The following ALK variants were observed in gnomAD, a reference collection of about 807,000 sequenced individuals.
ALK encodes ALK receptor tyrosine kinase.
Under a neutral mutation model 163.1 loss-of-function variants are expected in ALK, and 74 were observed. The ratio of observed to expected loss-of-function variants is 0.45; its 90% CI spans 0.38 to 0.55. The LOEUF (loss-of-function observed/expected upper bound fraction) is 0.55, where lower values mean the gene tolerates loss of function less well. Among genes scored for constraint, ALK ranks in the 20% least tolerant of loss-of-function variants. The pLI, the probability that ALK is intolerant of heterozygous loss-of-function variation, is 0.00. For synonymous variants in ALK, 960 were observed against 843.2 expected, an observed-to-expected ratio of 1.14 and a Z score of -2.40; for missense variants, 2,063 against 2,105.3, an observed-to-expected ratio of 0.98 and a Z score of 0.39.
intron 1 of ALK, among the ~76,000 whole-genome samples, chr2:29,791,115 T>C (rs1664174609): frequency 6.6e-6 from 1 of 152,186 alleles, no homozygotes; most frequent in African/African-American, 2.4e-5. Flanking sequence ...TCAATAAACA[T>C]TTAGTTTCCT....
chr2:29,462,457 G>T (rs1240762898), intron 4 of ALK, among the ~76,000 whole-genome samples: 1 of 152,088 alleles, frequency 6.6e-6, no homozygotes, highest in African/African-American at 2.4e-5. Flanking sequence ...CCACTACCCT[G>T]ATTAGTCAAC....
chr2:29,547,141 T>C (rs970758487), intron 3 of ALK, among the ~76,000 whole-genome samples: 5 of 152,228 alleles, frequency 3.3e-5, no homozygotes, highest in African/African-American at 4.8e-5. Flanking sequence ...TTCTAGAATG[T>C]TCTAGGCTTC....
At chr2:29,632,587 G>A (rs986998939) in intron 3 of ALK, among the ~76,000 whole-genome samples, 12 of 152,204 alleles carry the variant, frequency 7.9e-5, no homozygotes, top group Non-Finnish European at 1.3e-4. Flanking sequence ...TCCCCACCAT[G>A]TGAAGATGCA....
chr2:29,561,801 T>C (rs1249644679), intron 3 of ALK, among the ~76,000 whole-genome samples: 2 of 152,116 alleles, frequency 1.3e-5, no homozygotes, highest in African/African-American at 2.4e-5. Context: ...CAACCCTGGC[T>C]CCCCATGAAA....
intron 4 of ALK, among the ~76,000 whole-genome samples, chr2:29,475,044 G>T (rs574235210): frequency 6.6e-6 from 1 of 152,218 alleles, no homozygotes; most frequent in Non-Finnish European, 1.5e-5. Context: ...CCCTGCTCCT[G>T]CATTCCTTCT....
chr2:29,585,839 A>C (rs1003682308), intron 3 of ALK, among the ~76,000 whole-genome samples: 4 of 151,946 alleles, frequency 2.6e-5, no homozygotes, highest in Admixed American at 2.6e-4. Flanking sequence ...CTTTCTAGAA[A>C]TTTTTTGTTC....
chr2:29,770,395 G>A (rs1016984796), intron 1 of ALK, among the ~76,000 whole-genome samples: 5 of 152,222 alleles, frequency 3.3e-5, no homozygotes, highest in Non-Finnish European at 2.9e-5. Flanking sequence ...GAAGCCTACA[G>A]ATGACACGTC....
chr2:29,383,310 A>G (rs1170733802), intron 5 of ALK, among the ~76,000 whole-genome samples: 1 of 151,738 alleles, frequency 6.6e-6, no homozygotes, highest in Non-Finnish European at 1.5e-5. Context: ...TAGCCCCTAA[A>G]ACACTCTAGA....
intron 8 of ALK, among the ~76,000 whole-genome samples, chr2:29,307,186 A>G (rs1262422519): frequency 1.3e-5 from 2 of 152,228 alleles, no homozygotes; most frequent in Non-Finnish European, 2.9e-5. Context: ...ACCCACAGAA[A>G]ATACTGTGTG....
In ALK at chr2:29,415,815, A is replaced by C. The variant is rs146628676; in HGVS notation, c.1155-31956T>G. On this transcript the variant is annotated intron_variant, in intron 4 of 28. Coordinates refer to ENST00000389048, the MANE Select transcript of ALK (RefSeq NM_004304.5). ...TAAAACAAAAAGGTGGAGGAAGATCACATTCTCCTTCTCTCTTCTTGAACT... is the reference window on the plus strand; with the variant it reads ...TAAAACAAAAAGGTGGAGGAAGATCCCATTCTCCTTCTCTCTTCTTGAACT... Among the ~76,000 whole-genome samples, 748 of 152,336 alleles carry C rather than the reference A, an allele frequency of 4.9e-3. 7 individuals carry two copies. Among genetic ancestry groups the C allele is most frequent in the African/African-American group, 0.016 (682 of 41,570 alleles).
At chr2:29,731,540 C>T (rs73921499) in intron 1 of ALK, among the ~76,000 whole-genome samples, 9 of 152,258 alleles carry the variant, frequency 5.9e-5, no homozygotes, top group African/African-American at 1.9e-4. Flanking sequence ...TGGGCAGCAT[C>T]GGGACAGGAT....
intron 1 of ALK, among the ~76,000 whole-genome samples, chr2:29,912,090 C>CA: frequency 6.6e-6 from 1 of 151,634 alleles, no homozygotes; most frequent in Admixed American, 6.6e-5. Context: ...AGAAAAATTT[C>CA]AAAAAAAGAA....
intron 1 of ALK, among the ~76,000 whole-genome samples, chr2:29,917,662 A>G (rs2148441299): frequency 6.6e-6 from 1 of 152,358 alleles, no homozygotes; most frequent in Admixed American, 6.5e-5. Context: ...AACTGCAGAC[A>G]GCATATGTCC....
chr2:29,523,426 C>A (rs1163323626), intron 4 of ALK, among the ~76,000 whole-genome samples: 1 of 152,160 alleles, frequency 6.6e-6, no homozygotes, highest in Non-Finnish European at 1.5e-5. Context: ...GCTGAATGAG[C>A]TTCCAGAGTC....
chr2:29,553,925 G>A (rs1039966508), intron 3 of ALK, among the ~76,000 whole-genome samples: 10 of 152,072 alleles, frequency 6.6e-5, no homozygotes, highest in East Asian at 3.8e-4. Flanking sequence ...TGATTTGTAA[G>A]AACTTCTTAA....
At chr2:29,303,739 G>T (rs1297232393) in intron 8 of ALK, among the ~76,000 whole-genome samples, 1 of 152,200 alleles carries the variant, frequency 6.6e-6, no homozygotes, top group Non-Finnish European at 1.5e-5. Flanking sequence ...GCAGCAACGT[G>T]GATGCAGCTG....
intron 3 of ALK, among the ~76,000 whole-genome samples, chr2:29,634,233 G>A (rs1676461577): frequency 6.6e-6 from 1 of 151,988 alleles, no homozygotes. Context: ...GAATAGCTAG[G>A]ATTAGTGACA....
At chr2:29,652,496 C>A (rs1677063760) in intron 3 of ALK, among the ~76,000 whole-genome samples, 1 of 152,132 alleles carries the variant, frequency 6.6e-6, no homozygotes, top group African/African-American at 2.4e-5. Flanking sequence ...TTCCTAAAAT[C>A]CTTAAAAATT....
chr2:29,679,409 T>TTTTC (rs1677994478), intron 3 of ALK, among the ~76,000 whole-genome samples: 1 of 151,832 alleles, frequency 6.6e-6, no homozygotes, highest in South Asian at 2.1e-4. Context: ...CGTTTATTTA[T>TTTTC]TTTCTTTCAT....
Sources: gnomAD v4.1 joint callset for allele counts (sites outside exome capture counted in the v4.1 genomes callset) on GRCh38, gnomAD v4.1.1 for gene constraint, MANE v1.5 for transcripts, NCBI Gene and HGNC (gene_info 2026-07-23, HGNC 2026-07-21) for gene names.